ADK: variants seen among roughly 807,000 people sequenced by gnomAD.
ADK encodes adenosine kinase.
A neutral mutation model predicts 44.7 loss-of-function variants in ADK; 24 were observed. That is an observed-to-expected ratio of 0.54 (90% confidence interval 0.39 to 0.76). ADK has a LOEUF of 0.76. ADK is among the 30% of genes least tolerant of loss of function. The probability of loss-of-function intolerance (pLI) is 0.00; values close to 1 mark genes in which losing one functional copy is unlikely to be tolerated. For missense variants in ADK, 321 were observed against 425.1 expected (o/e 0.76, Z 2.15); for synonymous variants, 128 against 142.6 (o/e 0.90, Z 0.73).
At chr10:74,582,585 T>C (rs1180186895) in intron 7 of ADK, among the ~76,000 whole-genome samples, 1 of 152,216 alleles carries the variant, frequency 6.6e-6, no homozygotes, top group Non-Finnish European at 1.5e-5. Flanking sequence ...TTAATCACTT[T>C]GTGAAACAGT....
At chr10:74,528,587 T>A (rs908960843) in intron 7 of ADK, among the ~76,000 whole-genome samples, 2 of 152,068 alleles carry the variant, frequency 1.3e-5, no homozygotes, top group African/African-American at 4.8e-5. Flanking sequence ...AAAAGACAAC[T>A]AGTGGAATGG....
At position 74,653,836 on chromosome 10, in the gene ADK, G is replaced by C. The variant is rs1198198966; in HGVS notation, c.878-16347G>C. Among the ~76,000 whole-genome samples, 5 of 152,172 alleles carry C rather than the reference G, an allele frequency of 3.3e-5. No homozygotes were observed. The East Asian group carries it at 9.6e-4, about 29-fold the overall frequency. ...TTTATCAGTGTTTGATTGTCAGGAT[G>C]CCCATTGAAATTGACTTCATACTTA... On this transcript the variant is annotated intron_variant, in intron 9 of 10. Coordinates refer to ENST00000539909, the MANE Select transcript of ADK (RefSeq NM_006721.4).
intron 6 of ADK, among the ~76,000 whole-genome samples, chr10:74,481,776 A>G (rs771766452): frequency 2.0e-5 from 3 of 151,918 alleles, no homozygotes; most frequent in African/African-American, 4.8e-5. Context: ...ATTTTCCTAC[A>G]TTAGCTATTT....
intron 4 of ADK, among the ~76,000 whole-genome samples, chr10:74,345,974 A>C (rs1841750246): frequency 6.6e-6 from 1 of 152,194 alleles, no homozygotes; most frequent in African/African-American, 2.4e-5. Flanking sequence ...GGCTCACTGC[A>C]ACCTCTACCT....
intron 1 of ADK, among the ~76,000 whole-genome samples, chr10:74,173,926 C>A (rs1039284031): frequency 1.3e-5 from 2 of 152,084 alleles, no homozygotes; most frequent in African/African-American, 4.8e-5. Context: ...CTATTAGACT[C>A]TTTACTATAG....
At chr10:74,243,852 T>C (rs1845316110) in intron 3 of ADK, among the ~76,000 whole-genome samples, 3 of 152,156 alleles carry the variant, frequency 2.0e-5, no homozygotes, top group African/African-American at 4.8e-5. Context: ...AGATTACGTC[T>C]CAAAAAAAAT....
intron 7 of ADK, among the ~76,000 whole-genome samples, chr10:74,581,177 A>C (rs1851361982): frequency 6.6e-6 from 1 of 152,222 alleles, no homozygotes; most frequent in Non-Finnish European, 1.5e-5. Flanking sequence ...ATGTTAAAAC[A>C]GCATTTCTAA....
intron 4 of ADK, among the ~76,000 whole-genome samples, chr10:74,371,196 G>A (rs1445155703): frequency 6.6e-6 from 1 of 152,152 alleles, no homozygotes; most frequent in Admixed American, 6.5e-5. Flanking sequence ...GAAGGAGATG[G>A]GAAGATTTAG....
At position 74,527,378 on chromosome 10, in the gene ADK, A is replaced by T. The variant is rs200524618; in HGVS notation, c.726+1952A>T. ...GTCTCAAAAAACAAACAAACAAAAA[A>T]AAAAAAACATAAATATGATTCCAAA... On this transcript the variant is annotated intron_variant, in intron 7 of 10. Transcript: ENST00000539909. 3.3e-5 allele frequency among the ~76,000 whole-genome samples: 5 copies of T among 150,458 alleles called. No homozygotes were observed. The East Asian group carries it at 9.7e-4, about 29-fold the overall frequency.
intron 4 of ADK, among the ~76,000 whole-genome samples, chr10:74,386,255 T>G (rs971108787): frequency 6.6e-6 from 1 of 152,162 alleles, no homozygotes; most frequent in Non-Finnish European, 1.5e-5. Context: ...CCTCATTGAG[T>G]TTTCTGTATA....
At chr10:74,487,973 A>G (rs552124344) in intron 6 of ADK, among the ~76,000 whole-genome samples, 2 of 152,196 alleles carry the variant, frequency 1.3e-5, no homozygotes, top group Non-Finnish European at 2.9e-5. Context: ...GATTCAGTGT[A>G]GCATCCTAAC....
chr10:74,423,129 T>A (rs1844627471), intron 6 of ADK, among the ~76,000 whole-genome samples: 1 of 152,126 alleles, frequency 6.6e-6, no homozygotes. Flanking sequence ...CAGAAGCATG[T>A]GGCTGCTACC....
At chr10:74,502,061 A>G (rs1032160344) in intron 6 of ADK, among the ~76,000 whole-genome samples, 31 of 152,122 alleles carry the variant, frequency 2.0e-4, no homozygotes, top group Non-Finnish European at 2.9e-5. Flanking sequence ...AAGGTCATCC[A>G]ACCCAATCTC....
Position 74,151,305 on chromosome 10 carries a change from G to T in ADK, c.27G>T (p.Lys9Asn), listed in dbSNP as rs1159012729. The T allele has an allele frequency of 6.5e-7, 1 of 1,549,660 alleles. No individual in the cohort carries two copies. Among genetic ancestry groups the T allele is most frequent in the Admixed American group, 2.0e-5 (1 of 51,002 alleles). ...TGGCAGCTGCTGAGGAGGAGCCGAA[G>T]CCCAAAAAGCTGAAGGTGGAGGCGC... is the stretch of plus-strand genomic sequence containing the variant. MAAAEEEP[K>N]PKKLKVEAPQ... The change falls in exon 1 of 11, where the codon AAG (lysine) becomes AAT (asparagine). Residue 9 changes from lysine (K) to asparagine (N), a missense_variant. Transcript: ENST00000539909.
chr10:74,299,915 A>G (rs1839943169), intron 3 of ADK, among the ~76,000 whole-genome samples: 1 of 152,108 alleles, frequency 6.6e-6, no homozygotes, highest in Non-Finnish European at 1.5e-5. Flanking sequence ...CAGTTGTTTG[A>G]GCTTATGGTC....
At chr10:74,408,129 A>G (rs1844018911) in intron 6 of ADK, among the ~76,000 whole-genome samples, 1 of 146,906 alleles carries the variant, frequency 6.8e-6, no homozygotes, top group Non-Finnish European at 1.5e-5. Flanking sequence ...ATAGGCACCT[A>G]CCACCATGCC....
chr10:74,379,183 G>A (rs1476837357), intron 4 of ADK, among the ~76,000 whole-genome samples: 1 of 152,140 alleles, frequency 6.6e-6, no homozygotes, highest in Non-Finnish European at 1.5e-5. Context: ...AAAAAGGACA[G>A]CTCTATGTGC....
intron 4 of ADK, among the ~76,000 whole-genome samples, chr10:74,349,645 TCGGTG>T (rs1841892658): frequency 6.6e-6 from 1 of 152,032 alleles, no homozygotes; most frequent in Non-Finnish European, 1.5e-5. Context: ...TCAAGATCCA[TCGGTG>T]TGCTGTATTC....
At chr10:74,395,540 A>G (rs1843478690) in intron 5 of ADK, among the ~76,000 whole-genome samples, 1 of 152,198 alleles carries the variant, frequency 6.6e-6, no homozygotes, top group South Asian at 2.1e-4. Context: ...GGATTTTAAA[A>G]AAAAACAACT....
Sources: gnomAD v4.1 joint callset for allele counts (sites outside exome capture counted in the v4.1 genomes callset) on GRCh38, gnomAD v4.1.1 for gene constraint, MANE v1.5 for transcripts, NCBI Gene and HGNC (gene_info 2026-07-23, HGNC 2026-07-21) for gene names.